Variants in CPVL observed in about 807,000 individuals in gnomAD.
CPVL encodes the protein probable serine carboxypeptidase CPVL.
A neutral mutation model predicts 63.7 loss-of-function variants in CPVL; 51 were observed. The observed-to-expected ratio is 0.80, with a 90% CI of 0.64 to 1.01. CPVL has a LOEUF of 1.01. Among genes scored for constraint, CPVL ranks in the 50% least tolerant of loss-of-function variants. The pLI, the probability that CPVL is intolerant of heterozygous loss-of-function variation, is 0.00. For synonymous variants in CPVL, 195 were observed against 206.0 expected (o/e 0.95, Z 0.46); for missense variants, 530 against 573.1 (o/e 0.92, Z 0.77).
In CPVL at chr7:29,121,219, C is replaced by T. The variant is rs867425965; in HGVS notation, c.-10-148G>A. On this transcript the variant is annotated intron_variant, in intron 1 of 12. Coordinates refer to ENST00000265394, the MANE Select transcript of CPVL (RefSeq NM_031311.5). ...GACCTTGGATAGCACCATAAATAAG[C>T]ACACCCAATCCCTGCTTACTCTTAA... is the stretch of plus-strand genomic sequence containing the variant. 6.3e-5 allele frequency: 40 copies of T among 638,634 alleles called. 1 individual carries two copies. Among genetic ancestry groups the T allele is most frequent in the Middle Eastern group, 3.7e-4 (1 of 2,694 alleles). 39.6% of individuals were successfully genotyped at this position (638,634 alleles called of 1,614,324 possible). A position where few individuals can be genotyped will look rare whatever the true frequency, so the allele number is the denominator to read the frequency against.
At chr7:29,018,286 C>T (rs1478168930) in intron 12 of CPVL, among the ~76,000 whole-genome samples, 4 of 151,160 alleles carry the variant, frequency 2.6e-5, no homozygotes, top group African/African-American at 9.7e-5. Flanking sequence ...TTTTCTTTCT[C>T]CAGGACATTC....
At chr7:29,050,493 AT>A (rs1241480178) in intron 11 of CPVL, among the ~76,000 whole-genome samples, 1 of 152,164 alleles carries the variant, frequency 6.6e-6, no homozygotes, top group East Asian at 1.9e-4. Context: ...TTTTGGTGGA[AT>A]TGTAAAATGG....
intron 5 of CPVL, among the ~76,000 whole-genome samples, chr7:29,153,211 C>T (rs924399554): frequency 2.6e-5 from 4 of 152,208 alleles, no homozygotes; most frequent in South Asian, 2.1e-4. Context: ...CATATCTAGA[C>T]ATATGGTATG....
At chr7:29,175,423 G>A (rs184482212) in intron 5 of CPVL, among the ~76,000 whole-genome samples, 15 of 152,118 alleles carry the variant, frequency 9.9e-5, no homozygotes, top group Admixed American at 7.2e-4. Context: ...TTTTCTGCCC[G>A]CCTCGGCCTC....
rs140350463 is a variant in CPVL, at chr7:29,065,310, C to A, written c.963+713G>T. ...TTAGTAGAATCTAAATCCAAAACTG[C>A]AGCATTGGCGAATTCCACTGAAACT... On this transcript the variant is annotated intron_variant, in intron 10 of 12. Coordinates refer to ENST00000265394, the MANE Select transcript of CPVL (RefSeq NM_031311.5). Among the ~76,000 whole-genome samples, 1,281 of 152,302 alleles carry A rather than the reference C, an allele frequency of 8.4e-3. 8 individuals are homozygous for A. The highest frequency in any genetic ancestry group is 0.014 in the Admixed American group (213 of 15,292).
Position 29,071,863 on chromosome 7 carries a change from C to T in CPVL, c.774G>A (p.Leu258=). Residue 258 remains leucine (L), a synonymous_variant, in exon 9 of 13, where the codon TTG becomes TTA. Transcript: ENST00000265394. ...AGTACTTTTTTTGCTTCTCATCCAA[C>T]AAGCCAATTTGGTACAGGAATTCTG... is the stretch of plus-strand genomic sequence containing the variant. ...GYAEFLYQIG[L]LDEKQKKYFQ... 6.2e-7 allele frequency: 1 copy of T among 1,614,136 alleles called. No homozygotes were observed. Among genetic ancestry groups the T allele is most frequent in the Non-Finnish European group, 8.5e-7 (1 of 1,180,006 alleles).
intron 1 of CPVL, among the ~76,000 whole-genome samples, chr7:29,139,808 A>C (rs904108135): frequency 6.6e-6 from 1 of 152,142 alleles, no homozygotes; most frequent in African/African-American, 2.4e-5. Context: ...AGTTAATTCT[A>C]CCAACATGCC....
chr7:28,999,612 A>C (rs1384684994), intron 12 of CPVL, among the ~76,000 whole-genome samples: 1 of 152,148 alleles, frequency 6.6e-6, no homozygotes, highest in African/African-American at 2.4e-5. Flanking sequence ...ATAATTATCA[A>C]GTGGTGAAGG....
chr7:29,071,964 G>A, intron 8 of CPVL, 60 bp from the exon 9 acceptor site: 1 of 1,589,766 alleles, frequency 6.3e-7, no homozygotes, highest in East Asian at 2.2e-5. Flanking sequence ...CCTTAAGGAA[G>A]CCCATTTGCT....
At chr7:29,034,556 A>G (rs566325310) in intron 11 of CPVL, among the ~76,000 whole-genome samples, 1 of 152,034 alleles carries the variant, frequency 6.6e-6, no homozygotes, top group East Asian at 1.9e-4. Context: ...CCCAGCATCC[A>G]TTACCTCCCT....
chr7:29,113,105 A>C (rs1291381713), intron 2 of CPVL, among the ~76,000 whole-genome samples: 6 of 152,088 alleles, frequency 3.9e-5, no homozygotes, highest in African/African-American at 1.2e-4. Context: ...TTCTTTTAAA[A>C]AGAAGAAAAG....
chr7:29,038,569 T>A (rs754603368), intron 11 of CPVL, among the ~76,000 whole-genome samples: 1 of 152,228 alleles, frequency 6.6e-6, no homozygotes, highest in Non-Finnish European at 1.5e-5. Flanking sequence ...CTGTATTTCC[T>A]CTCAGCCACA....
At chr7:29,090,328 T>A (rs1426148939) in intron 6 of CPVL, among the ~76,000 whole-genome samples, 5 of 152,170 alleles carry the variant, frequency 3.3e-5, no homozygotes, top group Admixed American at 1.3e-4. Flanking sequence ...TCACTCTACA[T>A]CTAGCAAGGC....
intron 9 of CPVL, 60 bp downstream of exon 9, chr7:29,071,713 G>GCCCTCCCCCCC: frequency 3.7e-6 from 1 of 273,500 alleles, no homozygotes; most frequent in Admixed American, 5.1e-5. Flanking sequence ...CTGCTCACCC[G>GCCCTCCCCCCC]CCCTCCCTCC....
Position 29,003,177 on chromosome 7 carries a change from CACACACACACAG to C in CPVL, c.1321-7307_1321-7296del, listed in dbSNP as rs765264108. ...GTGCACACACACACACACACACACA[CACACACACACAG>C]AGAGAATAGCATTTTGCTAAAAGCA... is the stretch of plus-strand genomic sequence containing the variant. On this transcript the variant is annotated intron_variant, in intron 12 of 12. Coordinates refer to ENST00000265394, the MANE Select transcript of CPVL (RefSeq NM_031311.5). 3.8e-3 allele frequency among the ~76,000 whole-genome samples: 349 copies of C among 92,704 alleles called. 1 individual carries two copies. The highest frequency in any genetic ancestry group is 0.013 in the African/African-American group (287 of 22,498). The allele number at this position is 92,704 out of a possible 152,430, so 60.8% of individuals were successfully genotyped here.
At chr7:29,112,650 C>A in intron 3 of CPVL, 54 bp downstream of exon 3, 2 of 1,206,854 alleles carry the variant, frequency 1.7e-6, no homozygotes, top group Non-Finnish European at 2.5e-6. Context: ...CATTTCTACC[C>A]TCAAACGGCA....
chr7:29,172,019 A>G (rs986233924), intron 5 of CPVL, among the ~76,000 whole-genome samples: 2 of 151,898 alleles, frequency 1.3e-5, no homozygotes, highest in Admixed American at 6.6e-5. Context: ...AGGAGAAAAA[A>G]CTCATGGAAT....
chr7:29,009,220 G>T (rs1785538567), intron 12 of CPVL: 1 of 147,344 alleles, frequency 6.8e-6, no homozygotes, highest in Admixed American at 6.8e-5. Flanking sequence ...ACAGGAGACA[G>T]CTATGGAAAG....
intron 5 of CPVL, among the ~76,000 whole-genome samples, chr7:29,094,653 A>G (rs1299531827): frequency 2.6e-5 from 4 of 152,054 alleles, no homozygotes; most frequent in Non-Finnish European, 4.4e-5. Flanking sequence ...TTGAGACCAG[A>G]CTGGCTAACA....
Sources: gnomAD v4.1 joint callset for allele counts (sites outside exome capture counted in the v4.1 genomes callset) on GRCh38, gnomAD v4.1.1 for gene constraint, MANE v1.5 for transcripts, NCBI Gene and HGNC (gene_info 2026-07-23, HGNC 2026-07-21) for gene names.